GPAT3: variants seen among roughly 807,000 people sequenced by gnomAD.
GPAT3 encodes 1-AGP acyltransferase 9.
GPAT3 carries 53 observed loss-of-function variants against 58.8 expected under a neutral mutation model. That is an observed-to-expected ratio of 0.90 (90% confidence interval 0.72 to 1.13). The LOEUF is 1.13. GPAT3 is among the 50% of genes most tolerant of loss of function. The pLI is 0.00. For synonymous variants in GPAT3, 197 were observed against 187.4 expected, an observed-to-expected ratio of 1.05 and a Z score of -0.42; for missense variants, 511 against 527.6, an observed-to-expected ratio of 0.97 and a Z score of 0.31.
rs151010160 is a variant in GPAT3, at chr4:83,587,295, G to A, written c.520G>A (p.Gly174Arg). Residue 174 changes from glycine to arginine, a missense_variant, in exon 4 of 12, where the codon GGA becomes AGA. Transcript: ENST00000264409. ...AFIGISLLVI[G>R]TTLVGQLPDS... ...CATTGGGATCAGTTTGCTGGTTATA[G>A]GAACTACACTGGTTGGGCAGCTGCC... 5,176 of 1,613,952 alleles carry A rather than the reference G, an allele frequency of 3.2e-3. 16 individuals carry two copies. Among genetic ancestry groups the A allele is most frequent in the Non-Finnish European group, 3.7e-3 (4,341 of 1,179,930 alleles).
At chr4:83,583,333 C>T (rs185286997) in intron 3 of GPAT3, among the ~76,000 whole-genome samples, 11 of 151,466 alleles carry the variant, frequency 7.3e-5, no homozygotes, top group Middle Eastern at 3.4e-3. Flanking sequence ...AGCTTCTGTT[C>T]GCTTTATAAC....
chr4:83,586,704 A>C (rs1726387559), intron 3 of GPAT3, among the ~76,000 whole-genome samples: 1 of 152,226 alleles, frequency 6.6e-6, no homozygotes. Flanking sequence ...AATGTATATT[A>C]AAAGCACTTT....
intron 2 of GPAT3, among the ~76,000 whole-genome samples, chr4:83,555,748 A>C (rs1578168453): frequency 6.6e-6 from 1 of 152,168 alleles, no homozygotes; most frequent in Non-Finnish European, 1.5e-5. Context: ...AAAGGCTTGG[A>C]CTTGCAATTG....
At position 83,598,042 on chromosome 4, in the gene GPAT3, T is replaced by C. The variant is rs762838828; in HGVS notation, c.997-9T>C. ...TTTCATAACTGAGATGTATTTTCTT[T>C]TTTCTCAGTATAACCCTCAGTTCGG... On this transcript the variant is annotated splice_polypyrimidine_tract_variant and intron_variant, in intron 9 of 11. Transcript: ENST00000264409. 6.2e-7 allele frequency: 1 copy of C among 1,613,200 alleles called. No individual in the cohort carries two copies. Among genetic ancestry groups the C allele is most frequent in the Non-Finnish European group, 8.5e-7 (1 of 1,179,740 alleles).
At position 83,578,913 on chromosome 4, in the gene GPAT3, CTT is replaced by C. The variant is rs1275085547; in HGVS notation, c.209-2644_209-2643del. On this transcript the variant is annotated intron_variant, in intron 2 of 11. Transcript: ENST00000264409. Reference sequence around the variant, plus strand: ...TCCCTCCCTCTTTCTTTTCTTTTTTCTTTTTTCTTTTCTTTCTTTCTTTCTTT... The same window carrying C: ...TCCCTCCCTCTTTCTTTTCTTTTTTCTTTTCTTTTCTTTCTTTCTTTCTTT... Among the ~76,000 whole-genome samples, 18 of 86,672 alleles carry C rather than the reference CTT, an allele frequency of 2.1e-4. No individual in the cohort carries two copies. In the South Asian group the frequency reaches 2.2e-3, roughly 11 times the overall value. 56.9% of individuals were successfully genotyped at this position (86,672 alleles called of 152,430 possible). A position where few individuals can be genotyped will look rare whatever the true frequency, so the allele number is the denominator to read the frequency against.
intron 2 of GPAT3, among the ~76,000 whole-genome samples, chr4:83,552,813 T>G (rs1724803046): frequency 6.6e-6 from 1 of 152,126 alleles, no homozygotes; most frequent in African/African-American, 2.4e-5. Context: ...AGTGATGGTA[T>G]TAGGAGGTGG....
intron 11 of GPAT3, among the ~76,000 whole-genome samples, chr4:83,600,344 C>A (rs1300334843): frequency 1.3e-5 from 2 of 152,034 alleles, no homozygotes; most frequent in African/African-American, 4.8e-5. Flanking sequence ...GTGCTCCACC[C>A]TCATGACCTC....
At chr4:83,551,813 A>AAATCTATCTATCTATCTATCTATCT (rs768726930) in intron 2 of GPAT3, among the ~76,000 whole-genome samples, 2 of 102,420 alleles carry the variant, frequency 2.0e-5, no homozygotes, top group African/African-American at 4.7e-5. Flanking sequence ...AAAAAAAAAA[A>AAATCTATCTATCTATCTATCTATCT]ATCTATCTAT....
chr4:83,598,755 T>A (rs1384832629), intron 11 of GPAT3, 32 bp downstream of exon 11: 1 of 494,552 alleles, frequency 2.0e-6, no homozygotes, highest in Non-Finnish European at 2.9e-6. Context: ...CTATCACTTT[T>A]TTTTTTTTTT....
chr4:83,579,031 T>C (rs1436505531), intron 2 of GPAT3, among the ~76,000 whole-genome samples: 1,013 of 25,410 alleles, frequency 0.04, 125 homozygotes, highest in African/African-American at 0.12. Context: ...TCTTTCTTTC[T>C]TTCTTTCTTT....
chr4:83,574,965 C>G (rs929440920), intron 2 of GPAT3, among the ~76,000 whole-genome samples: 20 of 149,634 alleles, frequency 1.3e-4, no homozygotes, highest in African/African-American at 4.9e-4. Flanking sequence ...AGGCTCCGCC[C>G]CCTGGGGTTC....
Position 83,536,399 on chromosome 4 carries a change from A to G in GPAT3, c.-224A>G, listed in dbSNP as rs938497500. The G allele has an allele frequency of 1.5e-6, 2 of 1,331,468 alleles. No individual in the cohort carries two copies. The highest frequency in any genetic ancestry group is 1.9e-6 in the Non-Finnish European group (2 of 1,040,370). The allele number at this position is 1,331,468 out of a possible 1,614,324, so 82.5% of individuals were successfully genotyped here. ...GGCTTCAGCCCAGACCTGGGCAGCC[A>G]GCGGAGAAAGAGTTAACTGGCAGGG... On this transcript the variant is annotated 5_prime_UTR_variant, in exon 1 of 12. Coordinates refer to ENST00000264409, the MANE Select transcript of GPAT3 (RefSeq NM_032717.5).
At chr4:83,562,191 A>AT (rs1725162548) in intron 2 of GPAT3, among the ~76,000 whole-genome samples, 1 of 41,968 alleles carries the variant, frequency 2.4e-5, no homozygotes, top group Non-Finnish European at 4.1e-5. Context: ...ATATATATAT[A>AT]TATATATAAT....
At chr4:83,572,557 A>G (rs1187190511) in intron 2 of GPAT3, among the ~76,000 whole-genome samples, 1 of 152,200 alleles carries the variant, frequency 6.6e-6, no homozygotes, top group Non-Finnish European at 1.5e-5. Context: ...AGCAATGTAG[A>G]AAGGTAGAGA....
chr4:83,601,386 A>C (rs1727047255), intron 11 of GPAT3, among the ~76,000 whole-genome samples: 1 of 152,256 alleles, frequency 6.6e-6, no homozygotes. Flanking sequence ...GCATCCAGGT[A>C]AACCAGTTTC....
intron 2 of GPAT3, among the ~76,000 whole-genome samples, chr4:83,558,895 A>G (rs192376499): frequency 5.3e-5 from 8 of 152,334 alleles, no homozygotes; most frequent in Non-Finnish European, 5.9e-5. Context: ...ATTTAGAGAA[A>G]AACCAAGGGA....
At chr4:83,568,482 G>A (rs1389281142) in intron 2 of GPAT3, among the ~76,000 whole-genome samples, 1 of 150,978 alleles carries the variant, frequency 6.6e-6, no homozygotes, top group Admixed American at 6.6e-5. Flanking sequence ...CTTTTATGTA[G>A]TGTTTTTTAA....
intron 2 of GPAT3, among the ~76,000 whole-genome samples, chr4:83,554,780 G>T (rs1724887627): frequency 6.6e-6 from 1 of 150,582 alleles, no homozygotes; most frequent in East Asian, 1.9e-4. Flanking sequence ...TTCTACACAT[G>T]GAATGGAATG....
intron 2 of GPAT3, among the ~76,000 whole-genome samples, chr4:83,557,596 G>A (rs1724985751): frequency 6.6e-6 from 1 of 152,184 alleles, no homozygotes; most frequent in African/African-American, 2.4e-5. Flanking sequence ...CAGCCCACAG[G>A]CCATGGGTTG....
Sources: allele counts gnomAD v4.1 joint callset (sites outside exome capture counted in the v4.1 genomes callset), GRCh38; gene constraint gnomAD v4.1.1; transcripts MANE v1.5; gene names NCBI Gene and HGNC (gene_info 2026-07-23, HGNC 2026-07-21).